ERC2: variants seen among roughly 807,000 people sequenced by gnomAD.
ERC2 encodes ERC protein 2.
ERC2 carries 42 observed loss-of-function variants against 114.8 expected under a neutral mutation model. The ratio of observed to expected loss-of-function variants is 0.37; its 90% CI spans 0.29 to 0.47. The LOEUF (loss-of-function observed/expected upper bound fraction) is 0.47. ERC2 is among the 20% of genes least tolerant of loss of function. ERC2 has a pLI of 0.99. For synonymous variants in ERC2, 454 were observed against 425.5 expected (o/e 1.07, Z -0.82); for missense variants, 939 against 1,150.7 (o/e 0.82, Z 2.66).
At chr3:55,946,764 C>T (rs2067148797) in intron 13 of ERC2, among the ~76,000 whole-genome samples, 2 of 152,150 alleles carry the variant, frequency 1.3e-5, no homozygotes, top group Admixed American at 6.5e-5. Context: ...TTCCTGTTCT[C>T]CTTGTCAATG....
chr3:56,204,519 T>TTA (rs2048596871), intron 3 of ERC2, among the ~76,000 whole-genome samples: 1 of 151,800 alleles, frequency 6.6e-6, no homozygotes, highest in Non-Finnish European at 1.5e-5. Context: ...TTATTTTATT[T>TTA]TTTGAGACGG....
chr3:56,105,440 G>T (rs1019607447), intron 6 of ERC2, among the ~76,000 whole-genome samples: 3 of 152,060 alleles, frequency 2.0e-5, no homozygotes, highest in Admixed American at 1.3e-4. Context: ...ATCCTCCTGA[G>T]TAGCTAGGAC....
intron 1 of ERC2, among the ~76,000 whole-genome samples, chr3:56,443,460 T>C (rs1041030239): frequency 2.6e-5 from 4 of 152,168 alleles, no homozygotes; most frequent in Admixed American, 6.5e-5. Context: ...CTGCAGCACA[T>C]AGAGTGATAC....
At chr3:55,617,033 G>C (rs915964263) in intron 17 of ERC2, among the ~76,000 whole-genome samples, 4 of 152,180 alleles carry the variant, frequency 2.6e-5, no homozygotes, top group Non-Finnish European at 1.5e-5. Flanking sequence ...GGCAGGGTGT[G>C]AGAAAAGGAA....
chr3:55,906,785 A>C (rs896499883), intron 13 of ERC2, among the ~76,000 whole-genome samples: 1 of 152,206 alleles, frequency 6.6e-6, no homozygotes, highest in African/African-American at 2.4e-5. Flanking sequence ...GTGAACATTC[A>C]TCCTGGAAAA....
intron 7 of ERC2, among the ~76,000 whole-genome samples, chr3:56,039,113 A>G (rs1432510717): frequency 1.3e-5 from 2 of 152,198 alleles, no homozygotes; most frequent in Non-Finnish European, 2.9e-5. Context: ...GCCTAATTGC[A>G]AATAAACTAC....
intron 4 of ERC2, among the ~76,000 whole-genome samples, chr3:56,155,650 A>G (rs1229445805): frequency 6.6e-6 from 1 of 152,190 alleles, no homozygotes; most frequent in Admixed American, 6.5e-5. Context: ...TAAGATTGCC[A>G]TAGCAGAGTC....
At chr3:56,445,268 T>A (rs1282566197) in intron 1 of ERC2, among the ~76,000 whole-genome samples, 1 of 152,194 alleles carries the variant, frequency 6.6e-6, no homozygotes, top group Non-Finnish European at 1.5e-5. Flanking sequence ...CTTCCCCCAA[T>A]AGGTATTTAC....
Position 55,970,386 on chromosome 3 carries a change from C to A in ERC2, c.2267+15591G>T, listed in dbSNP as rs1039082599. ...TACTAATTAGTAATATTACTAATTA[C>A]TATAGTAGTATTAGTAATAAAAATT... On this transcript the variant is annotated intron_variant, in intron 12 of 17. Coordinates refer to ENST00000288221, the MANE Select transcript of ERC2 (RefSeq NM_015576.3). Among the ~76,000 whole-genome samples the A allele has an allele frequency of 5.9e-5, 9 of 151,436 alleles. No individual in the cohort carries two copies. The East Asian group carries it at 1.5e-3, about 26-fold the overall frequency.
At chr3:55,918,631 T>C (rs2065237864) in intron 13 of ERC2, among the ~76,000 whole-genome samples, 1 of 151,936 alleles carries the variant, frequency 6.6e-6, no homozygotes, top group Admixed American at 6.6e-5. Flanking sequence ...TTAAAAGGCC[T>C]TGAAGCTTCT....
intron 9 of ERC2, among the ~76,000 whole-genome samples, 180 bp from the exon 10 acceptor site, chr3:56,007,501 C>G (rs1047840690): frequency 6.6e-6 from 1 of 152,050 alleles, no homozygotes; most frequent in African/African-American, 2.4e-5. Flanking sequence ...GGCCAGCTTA[C>G]AGAACGAGTA....
intron 17 of ERC2, among the ~76,000 whole-genome samples, chr3:55,582,017 C>T (rs563443495): frequency 6.6e-6 from 1 of 152,282 alleles, no homozygotes; most frequent in East Asian, 1.9e-4. Context: ...TATACACAGG[C>T]TCTCATCAAC....
intron 4 of ERC2, among the ~76,000 whole-genome samples, chr3:56,155,075 A>G (rs189008242): frequency 1.5e-3 from 223 of 152,318 alleles, no homozygotes; most frequent in African/African-American, 5.0e-3. Flanking sequence ...TGCTCAATAA[A>G]TGTTAGCGTC....
At chr3:56,127,239 A>G (rs905767472) in intron 6 of ERC2, among the ~76,000 whole-genome samples, 3 of 152,186 alleles carry the variant, frequency 2.0e-5, no homozygotes, top group African/African-American at 7.2e-5. Flanking sequence ...TAAAATCTCC[A>G]TACTACCCAA....
At chr3:55,790,977 G>C (rs984369544) in intron 14 of ERC2, among the ~76,000 whole-genome samples, 5 of 152,226 alleles carry the variant, frequency 3.3e-5, no homozygotes, top group African/African-American at 1.2e-4. Flanking sequence ...AGTTTGGGCA[G>C]GGGTGGGTAA....
At chr3:56,451,324 G>C (rs933773907) in intron 1 of ERC2, among the ~76,000 whole-genome samples, 2 of 151,968 alleles carry the variant, frequency 1.3e-5, no homozygotes, top group African/African-American at 4.8e-5. Flanking sequence ...AAGAATATAG[G>C]CATAATCACA....
intron 17 of ERC2, among the ~76,000 whole-genome samples, chr3:55,572,020 G>C (rs944635005): frequency 2.0e-5 from 3 of 152,234 alleles, no homozygotes; most frequent in Non-Finnish European, 2.9e-5. Context: ...AGGGAGTGCA[G>C]TTCTTCCTGC....
intron 12 of ERC2, among the ~76,000 whole-genome samples, chr3:55,959,658 A>C (rs1175538457): frequency 2.6e-5 from 4 of 152,208 alleles, no homozygotes; most frequent in Non-Finnish European, 5.9e-5. Context: ...GCTCTGATTT[A>C]CTATTTACCA....
intron 10 of ERC2, among the ~76,000 whole-genome samples, chr3:56,000,888 A>C (rs966999434): frequency 2.8e-5 from 4 of 142,712 alleles, no homozygotes; most frequent in Admixed American, 7.0e-5. Context: ...ACTTCGTCTT[A>C]AGTTTAAAAA....
Sources: gnomAD v4.1 joint callset for allele counts (sites outside exome capture counted in the v4.1 genomes callset) on GRCh38, gnomAD v4.1.1 for gene constraint, MANE v1.5 for transcripts, NCBI Gene and HGNC (gene_info 2026-07-23, HGNC 2026-07-21) for gene names.